CHSY3: variants seen among roughly 807,000 people sequenced by gnomAD.
The protein encoded by CHSY3 is N-acetylgalactosaminyl-proteoglycan 3-beta-glucuronosyltransferase 3.
A neutral mutation model predicts 67.2 loss-of-function variants in CHSY3; 35 were observed. The ratio of observed to expected loss-of-function variants is 0.52; its 90% CI spans 0.40 to 0.69. CHSY3 has a LOEUF of 0.69. CHSY3 is among the 30% of genes least tolerant of loss of function. The pLI is 0.00. For missense variants in CHSY3, 1,069 were observed against 1,138.5 expected (o/e 0.94, Z 0.88); for synonymous variants, 474 against 434.7 (o/e 1.09, Z -1.12).
intron 2 of CHSY3, among the ~76,000 whole-genome samples, chr5:130,031,789 A>G (rs1019757413): frequency 2.0e-5 from 3 of 152,206 alleles, no homozygotes; most frequent in African/African-American, 7.2e-5. Context: ...CTCAGAAATT[A>G]TGCAAGATAG....
intron 2 of CHSY3, among the ~76,000 whole-genome samples, chr5:130,111,551 C>T (rs1034415634): frequency 2.0e-5 from 3 of 152,026 alleles, no homozygotes; most frequent in Admixed American, 6.6e-5. Context: ...ATATGACCAC[C>T]ATGTTCTAGA....
At chr5:129,913,327 T>A (rs370325807) in intron 2 of CHSY3, among the ~76,000 whole-genome samples, 2 of 152,336 alleles carry the variant, frequency 1.3e-5, no homozygotes, top group South Asian at 2.1e-4. Context: ...TTCATGATAA[T>A]ATTCTGTAGA....
chr5:130,117,075 T>C (rs929562442), intron 2 of CHSY3, among the ~76,000 whole-genome samples: 20 of 152,084 alleles, frequency 1.3e-4, no homozygotes, highest in African/African-American at 4.6e-4. Context: ...CCAGGTGAAG[T>C]TGGATGGGAG....
chr5:130,157,831 G>A (rs1034815633), intron 2 of CHSY3, among the ~76,000 whole-genome samples: 11 of 152,166 alleles, frequency 7.2e-5, no homozygotes, highest in African/African-American at 2.4e-4. Flanking sequence ...ACAAGGGGTG[G>A]ATTATTCATG....
intron 2 of CHSY3, among the ~76,000 whole-genome samples, chr5:130,037,459 A>G (rs768897671): frequency 6.6e-6 from 1 of 152,162 alleles, no homozygotes; most frequent in Non-Finnish European, 1.5e-5. Context: ...AACATAAACC[A>G]GCAAAATTCT....
chr5:130,078,315 T>C (rs1766337282), intron 2 of CHSY3, among the ~76,000 whole-genome samples: 1 of 152,108 alleles, frequency 6.6e-6, no homozygotes, highest in South Asian at 2.1e-4. Context: ...GTGATCATGA[T>C]GCTGAGATGC....
At chr5:130,162,369 T>TA (rs1769580361) in intron 2 of CHSY3, among the ~76,000 whole-genome samples, 1 of 152,118 alleles carries the variant, frequency 6.6e-6, no homozygotes, top group Non-Finnish European at 1.5e-5. Context: ...TCTCCCCATT[T>TA]AAAAAAATGA....
intron 2 of CHSY3, among the ~76,000 whole-genome samples, chr5:129,927,290 A>G (rs1314738754): frequency 6.6e-6 from 1 of 151,946 alleles, no homozygotes; most frequent in Non-Finnish European, 1.5e-5. Context: ...ATACTACCAC[A>G]TTGCTCTGGA....
chr5:129,969,139 T>A (rs1298212538), intron 2 of CHSY3, among the ~76,000 whole-genome samples: 1 of 151,896 alleles, frequency 6.6e-6, no homozygotes, highest in Admixed American at 6.6e-5. Context: ...GGAAGTAAAT[T>A]GATGCTGGTA....
In CHSY3 at chr5:129,905,478, C is replaced by T; in HGVS notation, c.649C>T (p.Pro217Ser). Residue 217 changes from proline to serine, a missense_variant, in exon 1 of 3, where the codon CCC becomes TCC. By Grantham distance (74) the Pro-to-Ser change is moderately conservative. Coordinates refer to ENST00000305031, the MANE Select transcript of CHSY3 (RefSeq NM_175856.5). ...SSQQPPNAGQ[P>S]PPPLPVIALP... is the part of the protein sequence containing the mutation. ...CCAGCAGCCCCCCAACGCCGGCCAG[C>T]CCCCGCCACCCCTGCCTGTCATCGC... 2 of 1,612,796 alleles carry T rather than the reference C, an allele frequency of 1.2e-6. No homozygotes were observed. Among genetic ancestry groups the T allele is most frequent in the South Asian group, 1.1e-5 (1 of 91,086 alleles).
intron 2 of CHSY3, among the ~76,000 whole-genome samples, chr5:129,920,634 T>C (rs752350979): frequency 1.3e-5 from 2 of 152,348 alleles, no homozygotes; most frequent in Admixed American, 6.5e-5. Flanking sequence ...TTTCTCATTG[T>C]CTTCTATCCA....
At chr5:130,044,285 G>A (rs557825872) in intron 2 of CHSY3, among the ~76,000 whole-genome samples, 4 of 152,206 alleles carry the variant, frequency 2.6e-5, no homozygotes, top group Admixed American at 2.0e-4. Flanking sequence ...AGAGAGCGGA[G>A]TGTTTCAAGA....
chr5:130,006,344 A>C, intron 2 of CHSY3, among the ~76,000 whole-genome samples: 1 of 152,176 alleles, frequency 6.6e-6, no homozygotes, highest in Non-Finnish European at 1.5e-5. Flanking sequence ...CTAGGAGATG[A>C]GGATGAAGAA....
chr5:129,917,670 G>A (rs1325555096), intron 2 of CHSY3, among the ~76,000 whole-genome samples: 1 of 152,234 alleles, frequency 6.6e-6, no homozygotes, highest in African/African-American at 2.4e-5. Flanking sequence ...TCCCCTCGTG[G>A]GAGTGGGATA....
chr5:130,128,799 T>C (rs1264207997), intron 2 of CHSY3, among the ~76,000 whole-genome samples: 1 of 152,164 alleles, frequency 6.6e-6, no homozygotes, highest in East Asian at 1.9e-4. Context: ...CATGGAATTG[T>C]ATACATTAAA....
At chr5:130,040,057 T>C (rs1764965825) in intron 2 of CHSY3, among the ~76,000 whole-genome samples, 1 of 152,116 alleles carries the variant, frequency 6.6e-6, no homozygotes, top group Non-Finnish European at 1.5e-5. Flanking sequence ...GGTGTGACTG[T>C]AAACATTTTG....
At chr5:130,073,154 A>G (rs1766139701) in intron 2 of CHSY3, among the ~76,000 whole-genome samples, 1 of 152,110 alleles carries the variant, frequency 6.6e-6, no homozygotes, top group Admixed American at 6.6e-5. Flanking sequence ...ATTTTAATGT[A>G]CTCATGCAAA....
chr5:130,032,728 G>A (rs928866660), intron 2 of CHSY3, among the ~76,000 whole-genome samples: 1 of 152,126 alleles, frequency 6.6e-6, no homozygotes, highest in Admixed American at 6.6e-5. Flanking sequence ...GAATGAGAGA[G>A]AGGTGTATGC....
rs1437754243 is a variant in CHSY3 at position 130,181,397 on chromosome 5, C to T, written c.1087-2832C>T. Reference sequence around the variant, plus strand: ...AGAATTCTAGTTTTAATTTTATTCTCATCATTCTCAATAGACACTTGGGTG... The same window carrying T: ...AGAATTCTAGTTTTAATTTTATTCTTATCATTCTCAATAGACACTTGGGTG... On this transcript the variant is annotated intron_variant, in intron 2 of 2. Coordinates refer to ENST00000305031, the MANE Select transcript of CHSY3 (RefSeq NM_175856.5). 6.6e-5 allele frequency among the ~76,000 whole-genome samples: 10 copies of T among 152,152 alleles called. No individual in the cohort carries two copies. The South Asian group carries it at 1.9e-3, about 28-fold the overall frequency.
Sources: gnomAD v4.1 joint callset for allele counts (sites outside exome capture counted in the v4.1 genomes callset) on GRCh38, gnomAD v4.1.1 for gene constraint, MANE v1.5 for transcripts, NCBI Gene and HGNC (gene_info 2026-07-23, HGNC 2026-07-21) for gene names.